ZNF436: variants seen among roughly 807,000 people sequenced by gnomAD.
ZNF436 encodes the protein DNA-binding protein.
Under a neutral mutation model 41.9 loss-of-function variants are expected in ZNF436, and 22 were observed. That is an observed-to-expected ratio of 0.53 (90% CI 0.38 to 0.75). ZNF436 has a LOEUF of 0.75. ZNF436 is among the 30% of genes least tolerant of loss of function. The pLI is 0.00. For missense variants in ZNF436, 506 were observed against 587.3 expected, an observed-to-expected ratio of 0.86 and a Z score of 1.43; for synonymous variants, 217 against 197.8, an observed-to-expected ratio of 1.10 and a Z score of -0.82.
intron 1 of ZNF436, chr1:23,369,149 C>T: frequency 2.9e-6 from 1 of 342,232 alleles, no homozygotes; most frequent in South Asian, 2.3e-5. Flanking sequence ...CGGTGTAGGG[C>T]GTGTAAGGAG....
Position 23,361,748 on chromosome 1 carries a change from T to C in ZNF436, c.*221A>G. The C allele has an allele frequency of 2.3e-6, 1 of 441,582 alleles. No homozygotes were observed. The highest frequency in any genetic ancestry group is 4.0e-6 in the Non-Finnish European group (1 of 250,942). The allele number at this position is 441,582 out of a possible 1,614,324, so 27.4% of individuals were successfully genotyped here. A position where few individuals can be genotyped will look rare whatever the true frequency, so the allele number is the denominator to read the frequency against. ...CAGTTACTTGTGGGGCTGCTTTTAA[T>C]GAAGTAACCCATTGAGTGAATAAAA... On this transcript the variant is annotated 3_prime_UTR_variant, in exon 4 of 4. Transcript: ENST00000314011.
In ZNF436 at chr1:23,361,821, T is replaced by G; in HGVS notation, c.*148A>C. 1.2e-6 allele frequency: 1 copy of G among 816,778 alleles called. No individual in the cohort carries two copies. Among genetic ancestry groups the G allele is most frequent in the Non-Finnish European group, 1.8e-6 (1 of 550,930 alleles). The allele number at this position is 816,778 out of a possible 1,614,324, so 50.6% of individuals were successfully genotyped here. On this transcript the variant is annotated 3_prime_UTR_variant, in exon 4 of 4. Transcript: ENST00000314011. ...CATTCCCAAAGCTGAGGGTCAGAATTTCAAATGGCTTGTCATCTCTGATGG... is the reference window on the plus strand; with the variant it reads ...CATTCCCAAAGCTGAGGGTCAGAATGTCAAATGGCTTGTCATCTCTGATGG...
chr1:23,369,828 A>T lies in ZNF436; in HGVS notation c.-523T>A, dbSNP rs1638467547. The T allele has an allele frequency of 3.2e-6, 1 of 314,926 alleles. No individual in the cohort carries two copies. Among genetic ancestry groups the T allele is most frequent in the Non-Finnish European group, 6.8e-6 (1 of 147,380 alleles). The allele number at this position is 314,926 out of a possible 1,614,324, so 19.5% of individuals were successfully genotyped here. On this transcript the variant is annotated 5_prime_UTR_variant, in exon 1 of 4. Coordinates refer to ENST00000314011, the MANE Select transcript of ZNF436 (RefSeq NM_001077195.2). ...AGCTCCCAGCTCGCTGTAGCCTTGG[A>T]GAGGGAAGTGATGGAAAAAGAATAT...
At chr1:23,364,281 A>G (rs1467343231) in intron 3 of ZNF436, among the ~76,000 whole-genome samples, 1 of 152,154 alleles carries the variant, frequency 6.6e-6, no homozygotes, top group Non-Finnish European at 1.5e-5. Flanking sequence ...CTTGTTGCCC[A>G]GGCCGGAGTG....
At position 23,362,918 on chromosome 1, in the gene ZNF436, C is replaced by A. The variant is rs1350301166; in HGVS notation, c.464G>T (p.Arg155Leu). Residue 155 changes from arginine to leucine, a missense_variant, in exon 4 of 4, where the codon CGA becomes CTA. By Grantham distance (102) the Arg-to-Leu change is moderately radical (BLOSUM62 -2). Coordinates refer to ENST00000314011, the MANE Select transcript of ZNF436 (RefSeq NM_001077195.2). ...GTCTCCAGTGTGGGTCTTCTGATGT[C>A]GATTAAGGTCTGAGATCTGACTGAA... ...KAFSQISDLN[R>L]HQKTHTGDRP... 6.2e-7 allele frequency: 1 copy of A among 1,614,160 alleles called. No individual in the cohort carries two copies. The highest frequency in any genetic ancestry group is 8.5e-7 in the Non-Finnish European group (1 of 1,180,042).
rs750405372 is a variant in ZNF436 at position 23,362,637 on chromosome 1, G to T, written c.745C>A (p.Pro249Thr). ...QHQRTHSGEK[P>T]YECEECGKSF... The stretch of plus-strand genomic sequence containing the variant: ...TTCCCACACTCCTCACACTCATAGG[G>T]TTTCTCACCACTGTGGGTCCTTTGG... The change falls in exon 4 of 4, where the codon CCC becomes ACC. Residue 249 changes from proline (P) to threonine (T), a missense_variant. Transcript: ENST00000314011. 2.5e-6 allele frequency: 4 copies of T among 1,614,202 alleles called. No individual in the cohort carries two copies. The highest frequency in any genetic ancestry group is 3.4e-6 in the Non-Finnish European group (4 of 1,180,036).
At chr1:23,367,925 C>A (rs377461367) in intron 2 of ZNF436, 48 bp downstream of exon 2, 3 of 1,606,560 alleles carry the variant, frequency 1.9e-6, no homozygotes, top group Non-Finnish European at 2.6e-6. Context: ...AAACGCCGGA[C>A]GAGGTGGGTA....
chr1:23,369,466 G>A lies in ZNF436; in HGVS notation c.-161C>T, dbSNP rs779113038. ...GCGTTCTCTCAGACCTGGCGTTCAG[G>A]AAGATTCTAGAGAGCACGGGCAGGT... On this transcript the variant is annotated 5_prime_UTR_variant, in exon 1 of 4. Transcript: ENST00000314011. The A allele has an allele frequency of 5.2e-4, 279 of 533,754 alleles. 1 individual carries two copies. The Admixed American group carries it at 5.3e-3, about 10-fold the overall frequency. The allele number at this position is 533,754 out of a possible 1,614,324, so 33.1% of individuals were successfully genotyped here.
Position 23,367,037 on chromosome 1 carries a change from C to G in ZNF436, c.160+5G>C. 6.2e-7 allele frequency: 1 copy of G among 1,608,512 alleles called. No individual in the cohort carries two copies. The highest frequency in any genetic ancestry group is 8.5e-7 in the Non-Finnish European group (1 of 1,178,158). ...GAGGCAAAGAAAGGTAGAATCCTTA[C>G]TTACCTAGTGAGACAACATTTCCAT... is the stretch of plus-strand genomic sequence containing the variant. On this transcript the variant is annotated splice_donor_5th_base_variant and intron_variant, in intron 3 of 3. Coordinates refer to ENST00000314011, the MANE Select transcript of ZNF436 (RefSeq NM_001077195.2).
intron 3 of ZNF436, among the ~76,000 whole-genome samples, chr1:23,366,590 A>G (rs1638363039): frequency 6.6e-6 from 1 of 152,236 alleles, no homozygotes; most frequent in Non-Finnish European, 1.5e-5. Flanking sequence ...ATGAGAATCT[A>G]CTCAGCTAAG....
chr1:23,369,180 G>GC (rs1638439454), intron 1 of ZNF436, 186 bp downstream of exon 1: 4 of 393,468 alleles, frequency 1.0e-5, no homozygotes, highest in Non-Finnish European at 1.6e-5. Context: ...GGCCCCTGCG[G>GC]GGGGGGCGGG....
chr1:23,367,835 C>A, intron 2 of ZNF436, 138 bp downstream of exon 2: 1 of 897,410 alleles, frequency 1.1e-6, no homozygotes, highest in South Asian at 1.5e-5. Flanking sequence ...TGGCCTGGTA[C>A]TAGGCCCCTG....
intron 3 of ZNF436, among the ~76,000 whole-genome samples, chr1:23,366,359 G>GTGAGGCAAAA (rs1342731318): frequency 6.6e-6 from 1 of 151,946 alleles, no homozygotes; most frequent in Non-Finnish European, 1.5e-5. Flanking sequence ...AGGAGGCAAA[G>GTGAGGCAAAA]TGAGGCAAAG....
chr1:23,365,444 T>G (rs1422681111), intron 3 of ZNF436, among the ~76,000 whole-genome samples: 1 of 151,080 alleles, frequency 6.6e-6, no homozygotes, highest in Non-Finnish European at 1.5e-5. Context: ...CTGAGCATGG[T>G]GCCTGACACC....
intron 3 of ZNF436, 45 bp downstream of exon 3, chr1:23,366,997 G>T: frequency 6.3e-7 from 1 of 1,585,416 alleles, no homozygotes; most frequent in South Asian, 1.1e-5. Flanking sequence ...ATTTTGACAC[G>T]ATCTCAAAAA....
At chr1:23,367,933 G>A in intron 2 of ZNF436, 40 bp downstream of exon 2, 2 of 1,611,682 alleles carry the variant, frequency 1.2e-6, no homozygotes, top group Non-Finnish European at 1.7e-6. Context: ...GACGAGGTGG[G>A]TAAGCAGAGA....
rs1410005992 is a variant in ZNF436, at chr1:23,369,814, C to T, written c.-509G>A. 2.5e-5 allele frequency: 8 copies of T among 326,020 alleles called. No homozygotes were observed. The highest frequency in any genetic ancestry group is 5.2e-5 in the Non-Finnish European group (8 of 153,346). 20.2% of individuals were successfully genotyped at this position (326,020 alleles called of 1,614,324 possible). A position where few individuals can be genotyped will look rare whatever the true frequency, so the allele number is the denominator to read the frequency against. On this transcript the variant is annotated 5_prime_UTR_variant, in exon 1 of 4. Coordinates refer to ENST00000314011, the MANE Select transcript of ZNF436 (RefSeq NM_001077195.2). Reference sequence around the variant, plus strand: ...TCTGCGTGGGGAAGAGCTCCCAGCTCGCTGTAGCCTTGGAGAGGGAAGTGA... The same window carrying T: ...TCTGCGTGGGGAAGAGCTCCCAGCTTGCTGTAGCCTTGGAGAGGGAAGTGA...
chr1:23,368,367 G>C, intron 1 of ZNF436: 1 of 242,430 alleles, frequency 4.1e-6, no homozygotes, highest in Non-Finnish European at 8.2e-6. Flanking sequence ...CTGCCATCTC[G>C]AGGCCGGGTC....
rs1557991341 is a variant in ZNF436 at position 23,362,462 on chromosome 1, T to C, written c.920A>G (p.Lys307Arg). The change falls in exon 4 of 4, where the codon AAG (lysine) becomes AGG (arginine). Residue 307 changes from lysine (K) to arginine (R), a missense_variant. Around this residue, in one of 2 missense-constraint regions of ZNF436, gnomAD observed 278 missense variants for 372.1 expected, o/e 0.75. Transcript: ENST00000314011. ...YRVHTGERPY[K>R]CDECGKNFSQ... ...GAAATTCTTCCCACACTCATCACAC[T>C]TGTAGGGCCTCTCCCCTGTGTGGAC... 2.5e-6 allele frequency: 4 copies of C among 1,613,978 alleles called. No homozygotes were observed. The highest frequency in any genetic ancestry group is 2.5e-6 in the Non-Finnish European group (3 of 1,179,872).
Sources: gnomAD v4.1 joint callset for allele counts (sites outside exome capture counted in the v4.1 genomes callset) on GRCh38, gnomAD v4.1.1 for gene constraint, gnomAD v4.1.1 regional missense constraint, MANE v1.5 for transcripts, NCBI Gene and HGNC (gene_info 2026-07-23, HGNC 2026-07-21) for gene names.